The following BTNL9 variants were observed in gnomAD, a reference collection of about 807,000 sequenced individuals.
BTNL9 encodes butyrophilin-like protein 9.
A neutral mutation model predicts 45.8 loss-of-function variants in BTNL9; 45 were observed. The ratio of observed to expected loss-of-function variants is 0.98; its 90% CI spans 0.77 to 1.26. The LOEUF is 1.26. BTNL9 is among the 50% of genes most tolerant of loss of function. BTNL9 has a pLI of 0.00. For synonymous variants in BTNL9, 346 were observed against 330.8 expected (o/e 1.05, Z -0.50); for missense variants, 784 against 729.7 (o/e 1.07, Z -0.86).
At chr5:181,054,473 C>A in intron 7 of BTNL9, 2 of 985,470 alleles carry the variant, frequency 2.0e-6, no homozygotes, top group Non-Finnish European at 2.4e-6. Flanking sequence ...CCTGCCAGCT[C>A]CTCCCCTGCA....
rs528436767 is a variant in BTNL9 at position 181,054,411 on chromosome 5, G to A, written c.907+152G>A. 6 of 1,490,164 alleles carry A rather than the reference G, an allele frequency of 4.0e-6. No individual in the cohort carries two copies. In the East Asian group the frequency reaches 9.4e-5, roughly 23 times the overall value. The allele number at this position is 1,490,164 out of a possible 1,614,324, so 92.3% of individuals were successfully genotyped here. On this transcript the variant is annotated intron_variant, in intron 7 of 10. Transcript: ENST00000327705. ...CCACCTCTTCCCTTGCTAAGGGGCT[G>A]AAAGGATGGCTGCCTGCCACCGTGC...
rs191300041 is a variant in BTNL9 at position 181,055,844 on chromosome 5, A to G, written c.929-145A>G. 8 of 889,162 alleles carry G rather than the reference A, an allele frequency of 9.0e-6. No homozygotes were observed. In the South Asian group the frequency reaches 9.2e-5, roughly 10 times the overall value. The allele number at this position is 889,162 out of a possible 1,614,324, so 55.1% of individuals were successfully genotyped here. On this transcript the variant is annotated intron_variant, in intron 8 of 10. Coordinates refer to ENST00000327705, the MANE Select transcript of BTNL9 (RefSeq NM_152547.5). This position sits in a 1 kb window ranked among gnomAD's most constrained non-coding sequence, Gnocchi z 4.4. ...CCATATATCTTCTTCTCATCTCCCA[A>G]CCAGGTATGATGCCCAGGCAGGACC...
Position 181,061,246 on chromosome 5 carries a change from C to G in BTNL9, c.*1384C>G, listed in dbSNP as rs937600524. On this transcript the variant is annotated 3_prime_UTR_variant, in exon 11 of 11. Transcript: ENST00000327705. ...ATATGAATATAAAGAAAGAAAGAGACAAGTCAAATGTAGTAAAATGACAAC... is the reference window on the plus strand; with the variant it reads ...ATATGAATATAAAGAAAGAAAGAGAGAAGTCAAATGTAGTAAAATGACAAC... 11 of 152,182 alleles carry G rather than the reference C, an allele frequency of 7.2e-5. No homozygotes were observed. The highest frequency in any genetic ancestry group is 1.3e-4 in the Non-Finnish European group (9 of 68,024). 9.4% of individuals were successfully genotyped at this position (152,182 alleles called of 1,614,324 possible). A position where few individuals can be genotyped will look rare whatever the true frequency, so the allele number is the denominator to read the frequency against.
chr5:181,048,150 C>T lies in BTNL9; in HGVS notation c.333C>T (p.Ile111=), dbSNP rs112433732. Reference sequence around the variant, plus strand: ...GGACCAAGTTGGTCAAGGACGACATCGCCTATGGCAGCGTGGTCCTGCAGC... The same window carrying T: ...GGACCAAGTTGGTCAAGGACGACATTGCCTATGGCAGCGTGGTCCTGCAGC... ...RNRTKLVKDD[I]AYGSVVLQLH... is the part of the protein sequence containing the mutation. Residue 111 remains isoleucine, a synonymous_variant, in exon 3 of 11, where the codon ATC becomes ATT. Coordinates refer to ENST00000327705, the MANE Select transcript of BTNL9 (RefSeq NM_152547.5). 2.9e-5 allele frequency: 47 copies of T among 1,613,480 alleles called. No individual in the cohort carries two copies. The highest frequency in any genetic ancestry group is 1.9e-5 in the Non-Finnish European group (23 of 1,180,030).
intron 1 of BTNL9, among the ~76,000 whole-genome samples, chr5:181,040,734 G>T (rs1029171413): frequency 9.9e-5 from 15 of 152,186 alleles, no homozygotes; most frequent in African/African-American, 3.4e-4. Flanking sequence ...AGACTAAGAG[G>T]GTGGAAATCC....
intron 9 of BTNL9, chr5:181,056,725 AT>A (rs1761903564): frequency 6.2e-6 from 4 of 644,416 alleles, no homozygotes; most frequent in Non-Finnish European, 1.1e-5. Flanking sequence ...GGATAGTGGG[AT>A]CCCAGGAAGG....
At chr5:181,051,485 G>A (rs1392254142) in intron 4 of BTNL9, among the ~76,000 whole-genome samples, 1 of 152,230 alleles carries the variant, frequency 6.6e-6, no homozygotes, top group Non-Finnish European at 1.5e-5. Context: ...TACCACAGCA[G>A]TTCTAAATTC....
intron 9 of BTNL9, chr5:181,056,650 A>C: frequency 1.4e-6 from 1 of 716,740 alleles, no homozygotes; most frequent in East Asian, 2.7e-5. Flanking sequence ...CGCTGTGTGG[A>C]GATTTCTCTG....
chr5:181,053,489 G>A lies in BTNL9; in HGVS notation c.874G>A (p.Glu292Lys), dbSNP rs1761695260. The change falls in exon 6 of 11, where the codon GAG becomes AAG. Residue 292 changes from glutamate (E) to lysine (K), a missense_variant. Glu to Lys is a moderately conservative substitution (Grantham distance 56). Coordinates refer to ENST00000327705, the MANE Select transcript of BTNL9 (RefSeq NM_152547.5). This position sits in a 1 kb window ranked among gnomAD's most constrained non-coding sequence, Gnocchi z 6.5. Reference protein sequence around the residue: ...RSREKLRKQAEKRQEKLTAEL... With the variant: ...RSREKLRKQAKKRQEKLTAEL... ...TTCAGAAAAGCTGAGGAAGCAGGCG[G>A]AGAAGAGACAAGGTGAGCGGGGACA... The A allele has an allele frequency of 6.3e-7, 1 of 1,579,106 alleles. No individual in the cohort carries two copies. Among genetic ancestry groups the A allele is most frequent in the Non-Finnish European group, 8.6e-7 (1 of 1,162,684 alleles).
chr5:181,048,035 G>T lies in BTNL9; in HGVS notation c.218G>T (p.Arg73Leu). ...PQLDAQQMEI[R>L]WFRSQTFNVV... ...CTGGATGCCCAGCAAATGGAGATCC[G>T]CTGGTTCCGGAGTCAGACCTTCAAT... The change falls in exon 3 of 11, where the codon CGC becomes CTC. Residue 73 changes from arginine (R) to leucine (L), a missense_variant. Physicochemically the swap from Arg to Leu is moderately radical, Grantham distance 102 (BLOSUM62 -2). Coordinates refer to ENST00000327705, the MANE Select transcript of BTNL9 (RefSeq NM_152547.5). The T allele has an allele frequency of 6.2e-7, 1 of 1,613,730 alleles. No individual in the cohort carries two copies. Among genetic ancestry groups the T allele is most frequent in the South Asian group, 1.1e-5 (1 of 91,072 alleles).
rs1762046733 is a variant in BTNL9, at chr5:181,059,373, G to T, written c.1119G>T (p.Ala373=). Residue 373 remains alanine (A), a synonymous_variant, in exon 11 of 11, where the codon GCG becomes GCT. Coordinates refer to ENST00000327705, the MANE Select transcript of BTNL9 (RefSeq NM_152547.5). ...HPQRFSEQTC[A]LSLERFSAGR... is the part of the protein sequence containing the mutation. ...AGCGGTTCTCGGAGCAGACGTGCGC[G>T]CTGAGCCTGGAGCGGTTCTCCGCCG... The T allele has an allele frequency of 1.3e-6, 2 of 1,536,952 alleles. No homozygotes were observed. Among genetic ancestry groups the T allele is most frequent in the South Asian group, 2.4e-5 (2 of 83,566 alleles).
In BTNL9 at chr5:181,055,708, G is replaced by T; in HGVS notation, c.928+255G>T. On this transcript the variant is annotated intron_variant, in intron 8 of 10. Coordinates refer to ENST00000327705, the MANE Select transcript of BTNL9 (RefSeq NM_152547.5). The surrounding 1 kb of genome is among the most constrained non-coding windows in gnomAD (Gnocchi z 4.4). ...GGCGTGAACCCGGGAAGCGGAGCTT[G>T]CAGTGAGCCGAGATGGCGCCACTGC... The T allele has an allele frequency of 1.3e-5, 9 of 690,490 alleles. No individual in the cohort carries two copies. The South Asian group carries it at 1.4e-4, about 11-fold the overall frequency. 42.8% of individuals were successfully genotyped at this position (690,490 alleles called of 1,614,324 possible). A position where few individuals can be genotyped will look rare whatever the true frequency, so the allele number is the denominator to read the frequency against.
chr5:181,042,424 AG>A lies in BTNL9; in HGVS notation c.-24+1995del, dbSNP rs1360122944. On this transcript the variant is annotated intron_variant, in intron 1 of 10. Transcript: ENST00000327705. The surrounding 1 kb of genome is among the most constrained non-coding windows in gnomAD (Gnocchi z 4.5). ...ATTTACACTGTAATCAAAATAGCAG[AG>A]GGTGGAAAGTGTTTCCTTCGAGGAG... Among the ~76,000 whole-genome samples the A allele has an allele frequency of 6.6e-6, 1 of 152,232 alleles. No homozygotes were observed. The highest frequency in any genetic ancestry group is 1.5e-5 in the Non-Finnish European group (1 of 68,036).
At chr5:181,045,749 C>G (rs1314730119) in intron 2 of BTNL9, 151 bp downstream of exon 2, 2 of 656,680 alleles carry the variant, frequency 3.0e-6, no homozygotes, top group Non-Finnish European at 5.4e-6. Flanking sequence ...GAGCCACTAC[C>G]CCGAGCATTA....
rs554378712 is a variant in BTNL9, at chr5:181,058,872, T to TTATGA, written c.983-361_983-360insATATG. Among the ~76,000 whole-genome samples, 20 of 151,106 alleles carry TTATGA rather than the reference T, an allele frequency of 1.3e-4. No homozygotes were observed. The South Asian group carries it at 2.3e-3, about 17-fold the overall frequency. On this transcript the variant is annotated intron_variant, in intron 10 of 10. Coordinates refer to ENST00000327705, the MANE Select transcript of BTNL9 (RefSeq NM_152547.5). The stretch of plus-strand genomic sequence containing the variant: ...AAAATGACGCTCAGCGCTCTCCTGA[T>TTATGA]TATGCCAAGGTCACGCAGGGTGGTG...
In BTNL9 at chr5:181,055,140, A is replaced by C. The variant is rs1322034134; in HGVS notation, c.908-293A>C. The C allele has an allele frequency of 1.0e-5, 12 of 1,192,252 alleles. No individual in the cohort carries two copies. The highest frequency in any genetic ancestry group is 1.2e-5 in the Non-Finnish European group (12 of 960,616). The allele number at this position is 1,192,252 out of a possible 1,614,324, so 73.9% of individuals were successfully genotyped here. On this transcript the variant is annotated intron_variant, in intron 7 of 10. Transcript: ENST00000327705. This position sits in a 1 kb window ranked among gnomAD's most constrained non-coding sequence, Gnocchi z 4.4. ...CCAGGAAGCTTGTGATTTCAGGCAG[A>C]AGGAACAACCCCAACCCTGGGAAGA...
rs937334575 is a variant in BTNL9, at chr5:181,055,589, G to A, written c.928+136G>A. 15 of 1,023,462 alleles carry A rather than the reference G, an allele frequency of 1.5e-5. No individual in the cohort carries two copies. The Admixed American group carries it at 2.3e-4, about 16-fold the overall frequency. The allele number at this position is 1,023,462 out of a possible 1,614,324, so 63.4% of individuals were successfully genotyped here. A position where few individuals can be genotyped will look rare whatever the true frequency, so the allele number is the denominator to read the frequency against. ...TCGAGACCAGCCTGGCTAACACAGT[G>A]AAACCCCGTCTCTTCTAAAAATACA... On this transcript the variant is annotated intron_variant, in intron 8 of 10. Coordinates refer to ENST00000327705, the MANE Select transcript of BTNL9 (RefSeq NM_152547.5). This position sits in a 1 kb window ranked among gnomAD's most constrained non-coding sequence, Gnocchi z 4.4.
chr5:181,050,139 T>C lies in BTNL9; in HGVS notation c.506T>C (p.Ile169Thr), dbSNP rs139607826. ...CTTGAGGGCTTCAAGGAAGGAGGCA[T>C]TCAGCTGAGGCTCAGATCCAGTGGC... ...LSLEGFKEGG[I>T]QLRLRSSGWY... is the part of the protein sequence containing the mutation. The change falls in exon 4 of 11, where the codon ATT (isoleucine) becomes ACT (threonine). Residue 169 changes from isoleucine to threonine, a missense_variant. Coordinates refer to ENST00000327705, the MANE Select transcript of BTNL9 (RefSeq NM_152547.5). The surrounding 1 kb of genome is among the most constrained non-coding windows in gnomAD (Gnocchi z 4.9). The C allele has an allele frequency of 7.4e-6, 12 of 1,614,106 alleles. No homozygotes were observed. In the East Asian group the frequency reaches 2.7e-4, roughly 36 times the overall value.
Position 181,045,710 on chromosome 5 carries a change from C to G in BTNL9, c.109+112C>G. The G allele has an allele frequency of 3.7e-6, 3 of 815,552 alleles. No homozygotes were observed. In the South Asian group the frequency reaches 4.5e-5, roughly 12 times the overall value. The allele number at this position is 815,552 out of a possible 1,614,324, so 50.5% of individuals were successfully genotyped here. On this transcript the variant is annotated intron_variant, in intron 2 of 10. Coordinates refer to ENST00000327705, the MANE Select transcript of BTNL9 (RefSeq NM_152547.5). ...CCAGGGCGTGCCAGACGCTAAAATA[C>G]AAAAAAGACTTCCATCCTGGTTGTT... is the stretch of plus-strand genomic sequence containing the variant.
Sources: allele counts gnomAD v4.1 joint callset (sites outside exome capture counted in the v4.1 genomes callset), GRCh38; gene constraint gnomAD v4.1.1; non-coding constraint Gnocchi (gnomAD v3.1); transcripts MANE v1.5; gene names NCBI Gene and HGNC (gene_info 2026-07-23, HGNC 2026-07-21).